Variants in GOLGA7 observed in about 807,000 individuals in gnomAD.
GOLGA7 encodes the protein golgin subfamily A member 7.
Under a neutral mutation model 21.1 loss-of-function variants are expected in GOLGA7, and 10 were observed. That is an observed-to-expected ratio of 0.47 (90% CI 0.29 to 0.80). GOLGA7 has a LOEUF of 0.80. Ranked by LOEUF, GOLGA7 falls within the 30% of genes least tolerant of loss-of-function variation. GOLGA7 has a pLI of 0.08. For synonymous variants in GOLGA7, 64 were observed against 62.6 expected (o/e 1.02, Z -0.10); for missense variants, 114 against 166.8 (o/e 0.68, Z 1.74).
chr8:41,506,991 C>T, intron 3 of GOLGA7, 68 bp from the exon 4 acceptor site: 2 of 798,954 alleles, frequency 2.5e-6, no homozygotes, highest in Non-Finnish European at 4.5e-6. Flanking sequence ...TCACACCCTC[C>T]ACCTTGCCAA....
chr8:41,503,250 G>T (rs1585603117), intron 2 of GOLGA7, among the ~76,000 whole-genome samples: 1 of 147,388 alleles, frequency 6.8e-6, no homozygotes. Flanking sequence ...CCCACTTTTT[G>T]ATGGGGTTGT....
At chr8:41,508,501 GAT>G (rs1806343260) in intron 4 of GOLGA7, among the ~76,000 whole-genome samples, 1 of 152,192 alleles carries the variant, frequency 6.6e-6, no homozygotes, top group African/African-American at 2.4e-5. Flanking sequence ...TTTTCAAACT[GAT>G]ACTTCTCAAA....
chr8:41,490,630 C>T lies in GOLGA7; in HGVS notation c.-225C>T, dbSNP rs567879029. The T allele has an allele frequency of 1.1e-3, 580 of 529,766 alleles. 5 individuals carry two copies. The highest frequency in any genetic ancestry group is 2.6e-3 in the South Asian group (108 of 40,892). The allele number at this position is 529,766 out of a possible 1,614,324, so 32.8% of individuals were successfully genotyped here. On this transcript the variant is annotated 5_prime_UTR_variant, in exon 1 of 5. Coordinates refer to ENST00000357743, the MANE Select transcript of GOLGA7 (RefSeq NM_001002296.2). ...GCAGAGGAGGCGGGTTTGTGTTTCC[C>T]GGGCCGAACCGGGTTGTGGGGGGCG...
Position 41,505,958 on chromosome 8 carries a change from C to G in GOLGA7, c.312C>G (p.Ile104Met), listed in dbSNP as rs1806276455. 6.2e-7 allele frequency: 1 copy of G among 1,605,164 alleles called. No homozygotes were observed. The highest frequency in any genetic ancestry group is 1.7e-5 in the Admixed American group (1 of 59,456). The change falls in exon 3 of 5, where the codon ATC (isoleucine) becomes ATG (methionine). Residue 104 changes from isoleucine (I) to methionine (M), a missense_variant. Ile to Met is a conservative substitution (Grantham distance 10). Transcript: ENST00000357743. ...ACATTCAAGAGCAGAATGAGAAGAT[C>G]TATGCTCCACAAGGCCTCCTCCTGA... is the stretch of plus-strand genomic sequence containing the variant. ...SKYIQEQNEK[I>M]YAPQGLLLTD...
At chr8:41,500,211 C>T (rs1005633950) in intron 2 of GOLGA7, among the ~76,000 whole-genome samples, 13 of 152,170 alleles carry the variant, frequency 8.5e-5, no homozygotes, top group Non-Finnish European at 1.0e-4. Flanking sequence ...CAAAATTACA[C>T]ATTATGATAA....
At chr8:41,496,938 G>C (rs1291234376) in intron 1 of GOLGA7, among the ~76,000 whole-genome samples, 1 of 149,930 alleles carries the variant, frequency 6.7e-6, no homozygotes, top group African/African-American at 2.5e-5. Context: ...CTCCCCAGTA[G>C]CTGGGGCTAT....
chr8:41,494,097 C>T (rs59856486), intron 1 of GOLGA7, among the ~76,000 whole-genome samples: 3,625 of 152,120 alleles, frequency 0.024, 145 homozygotes, highest in African/African-American at 0.084. Flanking sequence ...TTTTTATTAA[C>T]CTTTTTTTGT....
intron 2 of GOLGA7, among the ~76,000 whole-genome samples, chr8:41,501,819 A>G (rs1249364025): frequency 6.6e-6 from 1 of 152,250 alleles, no homozygotes; most frequent in African/African-American, 2.4e-5. Flanking sequence ...TTGGGTGCTG[A>G]AAACACTTAG....
In GOLGA7 at chr8:41,510,432, T is replaced by A. The variant is rs1278070614; in HGVS notation, c.*864T>A. ...AAATATTTTAATTATAGTTTTGTTA[T>A]AAATATAACTTATGAGAAAAAAATT... On this transcript the variant is annotated 3_prime_UTR_variant, in exon 5 of 5. Transcript: ENST00000357743. 1 of 152,660 alleles carries A rather than the reference T, an allele frequency of 6.6e-6. No homozygotes were observed. Among genetic ancestry groups the A allele is most frequent in the Non-Finnish European group, 1.5e-5 (1 of 68,036 alleles). The allele number at this position is 152,660 out of a possible 1,614,324, so 9.5% of individuals were successfully genotyped here.
At chr8:41,492,958 AC>A (rs1432984983) in intron 1 of GOLGA7, among the ~76,000 whole-genome samples, 1 of 152,204 alleles carries the variant, frequency 6.6e-6, no homozygotes, top group Non-Finnish European at 1.5e-5. Context: ...CAATGTAGTT[AC>A]TGTGCTCCAC....
At chr8:41,504,112 G>A (rs1806216529) in intron 2 of GOLGA7, among the ~76,000 whole-genome samples, 1 of 57,378 alleles carries the variant, frequency 1.7e-5, no homozygotes, top group Non-Finnish European at 3.4e-5. Flanking sequence ...CTAAAACTTA[G>A]AGTATAATAA....
At chr8:41,495,202 CA>C (rs1200554916) in intron 1 of GOLGA7, among the ~76,000 whole-genome samples, 3,769 of 39,472 alleles carry the variant, frequency 0.095, 19 homozygotes, top group Admixed American at 0.15. Flanking sequence ...GACTCTGTCT[CA>C]AAAAAAAAAA....
intron 1 of GOLGA7, among the ~76,000 whole-genome samples, chr8:41,493,268 ACTT>A (rs1805928877): frequency 6.6e-6 from 1 of 152,168 alleles, no homozygotes; most frequent in Non-Finnish European, 1.5e-5. Context: ...TTTCTCTACT[ACTT>A]ACCCTAGAAA....
intron 2 of GOLGA7, 138 bp downstream of exon 2, chr8:41,497,799 T>A (rs781406337): frequency 5.5e-5 from 32 of 582,378 alleles, no homozygotes; most frequent in Non-Finnish European, 8.6e-5. Flanking sequence ...TGTTCCTGTG[T>A]ACAGAGGCAC....
chr8:41,497,177 C>T (rs756726361), intron 1 of GOLGA7, among the ~76,000 whole-genome samples: 5 of 151,522 alleles, frequency 3.3e-5, no homozygotes, highest in African/African-American at 9.7e-5. Context: ...AGGATTGAGA[C>T]AGTGCTTTAT....
chr8:41,508,375 T>G (rs957130302), intron 4 of GOLGA7, among the ~76,000 whole-genome samples: 1 of 152,256 alleles, frequency 6.6e-6, no homozygotes, highest in Non-Finnish European at 1.5e-5. Context: ...CCTGAATTCC[T>G]GAAAGCCAAA....
At chr8:41,494,457 C>T (rs1340003639) in intron 1 of GOLGA7, among the ~76,000 whole-genome samples, 1 of 152,164 alleles carries the variant, frequency 6.6e-6, no homozygotes, top group African/African-American at 2.4e-5. Context: ...AACATAGGCA[C>T]ATCAAATGTG....
At chr8:41,505,061 A>T (rs186274210) in intron 2 of GOLGA7, among the ~76,000 whole-genome samples, 5 of 152,362 alleles carry the variant, frequency 3.3e-5, no homozygotes, top group Admixed American at 3.3e-4. Flanking sequence ...CGAGCCTGAA[A>T]TAAAACATGT....
At chr8:41,499,272 T>C (rs1806093117) in intron 2 of GOLGA7, among the ~76,000 whole-genome samples, 1 of 152,178 alleles carries the variant, frequency 6.6e-6, no homozygotes. Flanking sequence ...TTACAGCTCC[T>C]GAAGCCCCAG....
Sources: allele counts gnomAD v4.1 joint callset (sites outside exome capture counted in the v4.1 genomes callset), GRCh38; gene constraint gnomAD v4.1.1; transcripts MANE v1.5; gene names NCBI Gene and HGNC (gene_info 2026-07-23, HGNC 2026-07-21).